The following ULK4 variants were observed in gnomAD, a reference collection of about 807,000 sequenced individuals.
ULK4 encodes unc-51 like kinase 4, also known as inactive serine/threonine-protein kinase ULK4.
ULK4 carries 133 observed loss-of-function variants against 160.6 expected under a neutral mutation model. The observed-to-expected ratio is 0.83, with a 90% CI of 0.72 to 0.96. The LOEUF is 0.96. Ranked by LOEUF, ULK4 falls within the 40% of genes least tolerant of loss-of-function variation. ULK4 has a pLI of 0.00. For synonymous variants in ULK4, 534 were observed against 539.8 expected, an observed-to-expected ratio of 0.99 and a Z score of 0.15; for missense variants, 1,580 against 1,499.5, an observed-to-expected ratio of 1.05 and a Z score of -0.89.
chr3:41,938,555 G>A (rs999733357), intron 2 of ULK4, among the ~76,000 whole-genome samples: 4 of 152,038 alleles, frequency 2.6e-5, no homozygotes, highest in African/African-American at 7.2e-5. Flanking sequence ...GGTGGCACGC[G>A]CCTGAAATTC....
intron 34 of ULK4, among the ~76,000 whole-genome samples, chr3:41,404,979 T>C (rs2082264229): frequency 6.6e-6 from 1 of 152,196 alleles, no homozygotes; most frequent in South Asian, 2.1e-4. Flanking sequence ...AAAAATGATT[T>C]CAACTTTTAT....
intron 30 of ULK4, among the ~76,000 whole-genome samples, chr3:41,658,371 A>C (rs551493477): frequency 3.9e-5 from 6 of 152,340 alleles, no homozygotes; most frequent in East Asian, 3.9e-4. Flanking sequence ...CAAATTTTTA[A>C]AAAGCTCCCC....
At chr3:41,475,715 T>A (rs1198656117) in intron 32 of ULK4, among the ~76,000 whole-genome samples, 2 of 152,174 alleles carry the variant, frequency 1.3e-5, no homozygotes, top group Admixed American at 1.3e-4. Flanking sequence ...AGGCCACTGA[T>A]AACTATCATT....
At chr3:41,804,579 T>A (rs139656633) in intron 19 of ULK4, among the ~76,000 whole-genome samples, 23,319 of 147,778 alleles carry the variant, frequency 0.16, 2,000 homozygotes, top group Middle Eastern at 0.31. Flanking sequence ...CTGAATGGTA[T>A]TGCCTAGGTT....
At chr3:41,745,658 T>C (rs2038395669) in intron 22 of ULK4, among the ~76,000 whole-genome samples, 2 of 151,526 alleles carry the variant, frequency 1.3e-5, no homozygotes, top group African/African-American at 4.9e-5. Context: ...GAGGCTAGTA[T>C]TATATTAATA....
intron 30 of ULK4, among the ~76,000 whole-genome samples, chr3:41,642,436 A>G (rs1029737611): frequency 4.6e-5 from 7 of 151,824 alleles, no homozygotes; most frequent in East Asian, 1.9e-4. Flanking sequence ...GAGAACATGC[A>G]GTGTTTGGTT....
rs1417302815 is a variant in ULK4, at chr3:41,800,130, A to G, written c.2010+2T>C. The stretch of plus-strand genomic sequence containing the variant: ...TATCCCCCAAAAGATGCTTCATCTT[A>G]CCGATACTGCTGTTATCCTAAGAGA... On this transcript the variant is annotated splice_donor_variant, in intron 20 of 36. Coordinates refer to ENST00000301831, the MANE Select transcript of ULK4 (RefSeq NM_017886.4). LOFTEE classifies it high-confidence loss of function. 3.8e-6 allele frequency: 6 copies of G among 1,592,418 alleles called. No individual in the cohort carries two copies. The highest frequency in any genetic ancestry group is 5.1e-6 in the Non-Finnish European group (6 of 1,172,992).
intron 30 of ULK4, among the ~76,000 whole-genome samples, chr3:41,638,487 C>G (rs1208593329): frequency 6.6e-6 from 1 of 152,206 alleles, no homozygotes. Flanking sequence ...ATTGGCATCA[C>G]TGAAGAACCA....
intron 35 of ULK4, among the ~76,000 whole-genome samples, chr3:41,354,021 T>A (rs2080977854): frequency 6.6e-6 from 1 of 152,120 alleles, no homozygotes; most frequent in Admixed American, 6.5e-5. Flanking sequence ...CCCATGAGGA[T>A]CCCAGAGCCC....
At chr3:41,320,034 T>TA (rs1354580982) in intron 35 of ULK4, among the ~76,000 whole-genome samples, 1 of 152,262 alleles carries the variant, frequency 6.6e-6, no homozygotes, top group South Asian at 2.1e-4. Flanking sequence ...TTTAAGGATT[T>TA]AAACGATAAT....
chr3:41,622,782 A>C (rs1050992911), intron 30 of ULK4, among the ~76,000 whole-genome samples: 5 of 152,150 alleles, frequency 3.3e-5, no homozygotes, highest in African/African-American at 1.2e-4. Context: ...ACAATATTTG[A>C]ATCTCTAAAT....
intron 34 of ULK4, among the ~76,000 whole-genome samples, chr3:41,410,846 T>C (rs1056569842): frequency 2.6e-5 from 4 of 152,116 alleles, no homozygotes; most frequent in Non-Finnish European, 5.9e-5. Flanking sequence ...CATAAGTAAA[T>C]GCCATTCCCC....
At chr3:41,263,867 C>T (rs1324557217) in intron 35 of ULK4, among the ~76,000 whole-genome samples, 4 of 152,164 alleles carry the variant, frequency 2.6e-5, no homozygotes, top group Non-Finnish European at 5.9e-5. Flanking sequence ...GTATTGAGCA[C>T]CTATGTGTTG....
At chr3:41,445,615 A>C (rs1027785749) in intron 34 of ULK4, among the ~76,000 whole-genome samples, 71 of 152,292 alleles carry the variant, frequency 4.7e-4, no homozygotes, top group African/African-American at 1.6e-3. Flanking sequence ...CAAAAACAAG[A>C]AATGGGGAAA....
intron 20 of ULK4, among the ~76,000 whole-genome samples, chr3:41,792,895 C>T (rs2040192093): frequency 6.6e-6 from 1 of 152,186 alleles, no homozygotes; most frequent in South Asian, 2.1e-4. Flanking sequence ...TAGAGTATGG[C>T]CGGGCGCAGT....
intron 21 of ULK4, among the ~76,000 whole-genome samples, chr3:41,757,457 C>A (rs1156417535): frequency 6.6e-6 from 1 of 151,682 alleles, no homozygotes; most frequent in East Asian, 2.0e-4. Flanking sequence ...ACAGTGAAAC[C>A]CCGTCTCTAC....
intron 1 of ULK4, among the ~76,000 whole-genome samples, chr3:41,959,737 A>G (rs1197297510): frequency 6.6e-6 from 1 of 151,838 alleles, no homozygotes; most frequent in Non-Finnish European, 1.5e-5. Context: ...AGAGTTCAAG[A>G]CCAGCCTGGG....
Position 41,364,241 on chromosome 3 carries a change from G to A in ULK4, c.3678+33838C>T, listed in dbSNP as rs138202744. ...GTGTGAGCTGCTGCACCCGGCCCAA[G>A]CCTCTTCTCTTAATCCAGTCACTGG... On this transcript the variant is annotated intron_variant, in intron 35 of 36. Coordinates refer to ENST00000301831, the MANE Select transcript of ULK4 (RefSeq NM_017886.4). 1.9e-4 allele frequency among the ~76,000 whole-genome samples: 29 copies of A among 152,256 alleles called. No individual in the cohort carries two copies. The East Asian group carries it at 3.7e-3, about 19-fold the overall frequency.
At chr3:41,529,925 A>C (rs2086244746) in intron 32 of ULK4, among the ~76,000 whole-genome samples, 1 of 152,240 alleles carries the variant, frequency 6.6e-6, no homozygotes, top group South Asian at 2.1e-4. Flanking sequence ...AAATATCCTG[A>C]ATAGGCAAAT....
Sources: gnomAD v4.1 joint callset for allele counts (sites outside exome capture counted in the v4.1 genomes callset) on GRCh38, gnomAD v4.1.1 for gene constraint, MANE v1.5 for transcripts, NCBI Gene and HGNC (gene_info 2026-07-23, HGNC 2026-07-21) for gene names.